The following CHD6 variants were observed in gnomAD, a reference collection of about 807,000 sequenced individuals.
CHD6 encodes the protein chromodomain helicase DNA binding protein 6, also known as ATP-dependent chromatin remodeler CHD6.
Under a neutral mutation model 276.9 loss-of-function variants are expected in CHD6, and 50 were observed. That is an observed-to-expected ratio of 0.18 (90% CI 0.14 to 0.23). The LOEUF (loss-of-function observed/expected upper bound fraction) is 0.23, where lower values mean the gene tolerates loss of function less well. Ranked by LOEUF, CHD6 falls within the 10% of genes least tolerant of loss-of-function variation. CHD6 has a pLI of 1.00. For synonymous variants in CHD6, 1,173 were observed against 1,229.3 expected (o/e 0.95, Z 0.96); for missense variants, 2,564 against 3,365.8 (o/e 0.76, Z 5.89).
chr20:41,468,556 CT>C (rs1430458463), intron 17 of CHD6, among the ~76,000 whole-genome samples: 1 of 152,236 alleles, frequency 6.6e-6, no homozygotes, highest in Non-Finnish European at 1.5e-5. Context: ...CTCTCCAATA[CT>C]TTAAGTAACA....
intron 25 of CHD6, among the ~76,000 whole-genome samples, chr20:41,440,844 A>G (rs1050253565): frequency 6.6e-5 from 10 of 152,262 alleles, no homozygotes; most frequent in Non-Finnish European, 1.2e-4. Flanking sequence ...TAAAAGGCAG[A>G]GTCCCCATCA....
chr20:41,430,912 T>G (rs906097760), intron 27 of CHD6, among the ~76,000 whole-genome samples: 2 of 143,050 alleles, frequency 1.4e-5, no homozygotes, highest in Non-Finnish European at 3.0e-5. Context: ...CAGGCTGGAG[T>G]GTGGTGGCTC....
At chr20:41,475,757 G>A (rs190344313) in intron 16 of CHD6, among the ~76,000 whole-genome samples, 20 of 152,284 alleles carry the variant, frequency 1.3e-4, no homozygotes. Context: ...CTAGTCATCA[G>A]AGTTAGATAC....
rs567243315 is a variant in CHD6, at chr20:41,478,662, C to T, written c.2468+4647G>A. On this transcript the variant is annotated intron_variant, in intron 16 of 36. Transcript: ENST00000373233. ...GCCCAAGTTTCTGGCTGACTTCTGACTCACACTTGCTCGGGCCTGATTGTG... is the reference window on the plus strand; with the variant it reads ...GCCCAAGTTTCTGGCTGACTTCTGATTCACACTTGCTCGGGCCTGATTGTG... 2.0e-5 allele frequency among the ~76,000 whole-genome samples: 3 copies of T among 152,332 alleles called. No homozygotes were observed. In the South Asian group the frequency reaches 6.2e-4, roughly 32 times the overall value.
chr20:41,589,935 G>A (rs111922199), intron 1 of CHD6, among the ~76,000 whole-genome samples: 5 of 152,126 alleles, frequency 3.3e-5, no homozygotes, highest in Non-Finnish European at 7.3e-5. Flanking sequence ...GAACAAAGCT[G>A]GAGGCATCAC....
At chr20:41,524,279 A>G (rs891986393) in intron 3 of CHD6, among the ~76,000 whole-genome samples, 3 of 152,234 alleles carry the variant, frequency 2.0e-5, no homozygotes, top group South Asian at 2.1e-4. Flanking sequence ...TTTTTTAAAG[A>G]TACTAGTTAA....
chr20:41,593,257 A>G (rs2045683098), intron 1 of CHD6, among the ~76,000 whole-genome samples: 1 of 152,014 alleles, frequency 6.6e-6, no homozygotes, highest in Non-Finnish European at 1.5e-5. Flanking sequence ...TCACTAGAAT[A>G]AATTCAGAGT....
intron 16 of CHD6, chr20:41,482,432 T>C: frequency 2.2e-5 from 8 of 367,516 alleles, no homozygotes; most frequent in South Asian, 1.6e-4. Context: ...TAATTTGTCA[T>C]TTCTTTTAAT....
chr20:41,502,626 C>T (rs2043862181), intron 5 of CHD6, among the ~76,000 whole-genome samples: 1 of 152,206 alleles, frequency 6.6e-6, no homozygotes, highest in Admixed American at 6.5e-5. Flanking sequence ...AGGTCTTTAG[C>T]ATTTTCATAT....
intron 2 of CHD6, among the ~76,000 whole-genome samples, chr20:41,538,273 C>T (rs1304341225): frequency 6.6e-6 from 1 of 152,156 alleles, no homozygotes; most frequent in Admixed American, 6.5e-5. Flanking sequence ...ATTGCTTGAA[C>T]TTGGGAGGCG....
At chr20:41,548,540 G>C (rs1049894352) in intron 2 of CHD6, among the ~76,000 whole-genome samples, 4 of 152,174 alleles carry the variant, frequency 2.6e-5, no homozygotes, top group Admixed American at 6.5e-5. Flanking sequence ...CCATAAAAAC[G>C]CTAGAAGAAA....
chr20:41,416,629 T>G lies in CHD6; in HGVS notation c.6445A>C (p.Ser2149Arg). 1 of 1,613,806 alleles carries G rather than the reference T, an allele frequency of 6.2e-7. No individual in the cohort carries two copies. The change falls in exon 33 of 37, where the codon AGC (serine) becomes CGC (arginine). Residue 2149 changes from serine (S) to arginine (R), a missense_variant. This residue lies in a region of CHD6 where 1,024 missense variants were observed against 1,047.9 expected (regional missense o/e 0.98). Coordinates refer to ENST00000373233, the MANE Select transcript of CHD6 (RefSeq NM_032221.5). ...GCCAATGCTGCGCCGTTGCTGAAGC[T>G]GTGTTCTGCTGCTTCCGGCTCTGAG... ...SLSEPEAAEH[S>R]FSNGAALAAQ...
intron 10 of CHD6, 30 bp downstream of exon 10, chr20:41,493,508 A>G: frequency 6.2e-7 from 1 of 1,606,988 alleles, no homozygotes. Flanking sequence ...ATGTTCCGAG[A>G]AGTGCCAGAG....
intron 5 of CHD6, among the ~76,000 whole-genome samples, chr20:41,509,098 T>C (rs1319350666): frequency 6.6e-6 from 1 of 152,040 alleles, no homozygotes; most frequent in Non-Finnish European, 1.5e-5. Context: ...TGCAATCTGA[T>C]TAGGGGAACA....
At chr20:41,525,535 T>C (rs1205792312) in intron 3 of CHD6, among the ~76,000 whole-genome samples, 1 of 152,206 alleles carries the variant, frequency 6.6e-6, no homozygotes, top group African/African-American at 2.4e-5. Context: ...CTGGACTTCT[T>C]TGTCCAGAAA....
chr20:41,574,163 G>A (rs1206839485), intron 1 of CHD6, among the ~76,000 whole-genome samples: 1 of 141,492 alleles, frequency 7.1e-6, no homozygotes, highest in Non-Finnish European at 1.5e-5. Flanking sequence ...GAGGAAGGAA[G>A]AGAGGGACAG....
intron 27 of CHD6, among the ~76,000 whole-genome samples, chr20:41,432,911 G>T (rs1236194929): frequency 1.3e-5 from 2 of 152,094 alleles, no homozygotes; most frequent in Non-Finnish European, 2.9e-5. Flanking sequence ...ATAATATTTG[G>T]ATTCAAAGGG....
intron 32 of CHD6, 59 bp downstream of exon 32, chr20:41,417,139 A>C: frequency 6.7e-7 from 1 of 1,489,834 alleles, no homozygotes; most frequent in South Asian, 1.3e-5. Context: ...GGTTAAAAAA[A>C]GCAATTCAAA....
chr20:41,506,920 T>C (rs186315533), intron 5 of CHD6, among the ~76,000 whole-genome samples: 91 of 152,290 alleles, frequency 6.0e-4, no homozygotes, highest in Admixed American at 2.4e-3. Flanking sequence ...AATATGATAA[T>C]AGAAGTAAAA....
Sources: allele counts gnomAD v4.1 joint callset (sites outside exome capture counted in the v4.1 genomes callset), GRCh38; gene constraint gnomAD v4.1.1; regional missense constraint gnomAD v4.1.1; transcripts MANE v1.5; gene names NCBI Gene and HGNC (gene_info 2026-07-23, HGNC 2026-07-21).